The following PCDHGB3 variants were observed in gnomAD, a reference collection of about 807,000 sequenced individuals.
PCDHGB3 encodes the protein protocadherin gamma-B3.
Under a neutral mutation model 59.2 loss-of-function variants are expected in PCDHGB3, and 40 were observed. The ratio of observed to expected loss-of-function variants is 0.68; its 90% CI spans 0.52 to 0.88. The LOEUF (loss-of-function observed/expected upper bound fraction) is 0.88, where lower values mean the gene tolerates loss of function less well. Among genes scored for constraint, PCDHGB3 ranks in the 40% least tolerant of loss-of-function variants. The pLI, the probability that PCDHGB3 is intolerant of heterozygous loss-of-function variation, is 0.00. For missense variants in PCDHGB3, 1,309 were observed against 1,187.9 expected, an observed-to-expected ratio of 1.10 and a Z score of -1.50; for synonymous variants, 581 against 503.6, an observed-to-expected ratio of 1.15 and a Z score of -2.06.
At chr5:141,510,845 C>T (rs2099883036) in intron 3 of PCDHGB3, 102 bp from the exon 4 acceptor site, 3 of 1,593,960 alleles carry the variant, frequency 1.9e-6, no homozygotes, top group Non-Finnish European at 2.6e-6. Context: ...TGGTCAAGGC[C>T]CAGGGTGCTG....
chr5:141,453,701 AAC>A (rs1250174252), intron 1 of PCDHGB3, among the ~76,000 whole-genome samples: 1 of 152,240 alleles, frequency 6.6e-6, no homozygotes, highest in Non-Finnish European at 1.5e-5. Context: ...CCTGGCTTTG[AAC>A]AGTTTCACTA....
At chr5:141,505,344 AGCT>A in intron 2 of PCDHGB3, 46 bp from the exon 3 acceptor site, 1 of 1,613,046 alleles carries the variant, frequency 6.2e-7, no homozygotes, top group South Asian at 1.1e-5. Flanking sequence ...GAGGGGCATG[AGCT>A]GTGCCGGCCT....
intron 1 of PCDHGB3, chr5:141,405,289 C>G (rs1206637203): frequency 1.7e-5 from 28 of 1,614,070 alleles, no homozygotes; most frequent in Non-Finnish European, 2.4e-5. Context: ...CAGACACACT[C>G]ATCAGCCAGC....
At chr5:141,379,014 T>C (rs1440666109) in intron 1 of PCDHGB3, 2 of 152,222 alleles carry the variant, frequency 1.3e-5, no homozygotes, top group South Asian at 4.1e-4. Context: ...TCTCCAGTCA[T>C]GAGTTGGAAG....
intron 1 of PCDHGB3, chr5:141,424,187 A>C (rs2096804354): frequency 5.3e-6 from 1 of 188,948 alleles, no homozygotes; most frequent in African/African-American, 2.4e-5. Context: ...ACATGCACAC[A>C]CACTTATACA....
intron 1 of PCDHGB3, among the ~76,000 whole-genome samples, chr5:141,450,829 A>ATTATTT (rs1554136902): frequency 7.4e-6 from 1 of 135,144 alleles, no homozygotes; most frequent in Admixed American, 7.6e-5. Context: ...TATTATTATT[A>ATTATTT]TTTTTTTTTT....
intron 1 of PCDHGB3, chr5:141,418,087 C>G (rs2096220274): frequency 6.2e-7 from 1 of 1,613,894 alleles, no homozygotes; most frequent in African/African-American, 1.3e-5. Context: ...TGCACTTCAG[C>G]GTAGACGCGC....
At chr5:141,421,474 G>A (rs1320526226) in intron 1 of PCDHGB3, 2 of 1,614,014 alleles carry the variant, frequency 1.2e-6, no homozygotes, top group Non-Finnish European at 1.7e-6. Flanking sequence ...TCCGCGAAGC[G>A]GCAGCTTGAT....
intron 1 of PCDHGB3, chr5:141,375,002 CTAGACTAT>C (rs1771028356): frequency 6.2e-7 from 1 of 1,613,890 alleles, no homozygotes; most frequent in Non-Finnish European, 8.5e-7. Flanking sequence ...TTCTGCAAAT[CTAGACTAT>C]GAGGACTCGA....
In PCDHGB3 at chr5:141,489,645, C is replaced by T; in HGVS notation, c.2416-5162C>T. 1.2e-6 allele frequency: 2 copies of T among 1,614,156 alleles called. No homozygotes were observed. The highest frequency in any genetic ancestry group is 2.7e-5 in the African/African-American group (2 of 75,022). On this transcript the variant is annotated intron_variant, in intron 1 of 3. Transcript: ENST00000576222. This position sits in a 1 kb window ranked among gnomAD's most constrained non-coding sequence, Gnocchi z 4.5. ...ATGACAACTCTCCTAGCTTTGCCAC[C>T]CCTGAGCGAGAGATGCGCATCTCAG...
chr5:141,466,358 A>T (rs1210013683), intron 1 of PCDHGB3, among the ~76,000 whole-genome samples: 3 of 152,066 alleles, frequency 2.0e-5, no homozygotes, highest in Non-Finnish European at 4.4e-5. Context: ...GCTAATCTAG[A>T]TGTAATGGTT....
At chr5:141,408,052 C>T in intron 1 of PCDHGB3, 1 of 1,283,102 alleles carries the variant, frequency 7.8e-7, no homozygotes, top group Non-Finnish European at 1.0e-6. Context: ...CACACAGAGC[C>T]TCCCGGCTGC....
At chr5:141,445,300 TCA>T (rs1443961962) in intron 1 of PCDHGB3, among the ~76,000 whole-genome samples, 1 of 152,202 alleles carries the variant, frequency 6.6e-6, no homozygotes, top group Non-Finnish European at 1.5e-5. Flanking sequence ...TCCATTCTCT[TCA>T]GTTTGTAGGT....
intron 1 of PCDHGB3, among the ~76,000 whole-genome samples, chr5:141,448,430 T>C (rs1468604001): frequency 6.6e-6 from 1 of 152,186 alleles, no homozygotes; most frequent in African/African-American, 2.4e-5. Flanking sequence ...TATGTATATA[T>C]TGAGAAGTCT....
chr5:141,442,457 T>G (rs1209684998), intron 1 of PCDHGB3: 1 of 152,268 alleles, frequency 6.6e-6, no homozygotes, highest in African/African-American at 2.4e-5. Context: ...AATAGCAGTT[T>G]CACTGCAGAA....
In PCDHGB3 at chr5:141,432,997, G is replaced by T. The variant is rs778828769; in HGVS notation, c.2415+60188G>T. 17 of 1,614,082 alleles carry T rather than the reference G, an allele frequency of 1.1e-5. No homozygotes were observed. The highest frequency in any genetic ancestry group is 4.5e-5 in the East Asian group (2 of 44,864). ...CGCACTTTGTGGGCGTGGACGGGGT[G>T]CAGGCTTTCCTGCAGACCTATTCCC... On this transcript the variant is annotated intron_variant, in intron 1 of 3. Transcript: ENST00000576222. The surrounding 1 kb of genome is among the most constrained non-coding windows in gnomAD (Gnocchi z 6.0).
chr5:141,450,489 CTGTT>C (rs1372781820), intron 1 of PCDHGB3, among the ~76,000 whole-genome samples: 4 of 150,280 alleles, frequency 2.7e-5, no homozygotes, highest in Non-Finnish European at 2.9e-5. Context: ...GTTTGTTTGT[CTGTT>C]TGTTTGTTTT....
Position 141,382,863 on chromosome 5 carries a change from C to G in PCDHGB3, c.2415+10054C>G, listed in dbSNP as rs1214467888. 4 of 1,516,660 alleles carry G rather than the reference C, an allele frequency of 2.6e-6. No homozygotes were observed. The South Asian group carries it at 4.0e-5, about 15-fold the overall frequency. The allele number at this position is 1,516,660 out of a possible 1,614,324, so 94.0% of individuals were successfully genotyped here. On this transcript the variant is annotated intron_variant, in intron 1 of 3. Coordinates refer to ENST00000576222, the MANE Select transcript of PCDHGB3 (RefSeq NM_018924.5). ...ATACACCCGCATTCTGAAGCACTTC[C>G]CGAGATCGGCGCCTAAGCAAGAGAA... is the stretch of plus-strand genomic sequence containing the variant.
intron 1 of PCDHGB3, among the ~76,000 whole-genome samples, chr5:141,425,045 C>T (rs1374682125): frequency 6.6e-6 from 1 of 152,136 alleles, no homozygotes; most frequent in East Asian, 1.9e-4. Context: ...TGTAAACTGA[C>T]TATCTAGGGC....
Sources: allele counts gnomAD v4.1 joint callset (sites outside exome capture counted in the v4.1 genomes callset), GRCh38; gene constraint gnomAD v4.1.1; non-coding constraint Gnocchi (gnomAD v3.1); transcripts MANE v1.5; gene names NCBI Gene and HGNC (gene_info 2026-07-23, HGNC 2026-07-21).